The following CHRND variants were observed in gnomAD, a reference collection of about 807,000 sequenced individuals.
The protein encoded by CHRND is acetylcholine receptor subunit delta.
CHRND carries 40 observed loss-of-function variants against 57.8 expected under a neutral mutation model. The ratio of observed to expected loss-of-function variants is 0.69; its 90% CI spans 0.54 to 0.90. The LOEUF (loss-of-function observed/expected upper bound fraction) is 0.90, where lower values mean the gene tolerates loss of function less well. CHRND is among the 40% of genes least tolerant of loss of function. The pLI, the probability that CHRND is intolerant of heterozygous loss-of-function variation, is 0.00. For synonymous variants in CHRND, 237 were observed against 270.6 expected (o/e 0.88, Z 1.22); for missense variants, 634 against 673.9 (o/e 0.94, Z 0.66).
At chr2:232,533,170 G>A (rs564449025) in intron 9 of CHRND, among the ~76,000 whole-genome samples, 11 of 152,082 alleles carry the variant, frequency 7.2e-5, no homozygotes, top group Admixed American at 5.9e-4. Flanking sequence ...ACAGGCGCCC[G>A]CCACCATGCC....
chr2:232,529,300 T>C (rs1002873297), intron 6 of CHRND, among the ~76,000 whole-genome samples: 17 of 152,220 alleles, frequency 1.1e-4, no homozygotes, highest in African/African-American at 4.1e-4. Flanking sequence ...GTCTTTCCTG[T>C]GCCTGGTGAG....
chr2:232,529,783 A>G (rs1574631929), intron 6 of CHRND, among the ~76,000 whole-genome samples, 156 bp from the exon 7 acceptor site: 2 of 151,640 alleles, frequency 1.3e-5, no homozygotes, highest in Non-Finnish European at 2.9e-5. Context: ...TTCCATCCCG[A>G]CCCCCCAGGG....
Position 232,527,437 on chromosome 2 carries a change from A to G in CHRND, c.235A>G (p.Ile79Val), listed in dbSNP as rs765696072. ...GGAGACCCTCACTACCAATGTGTGG[A>G]TAGAGCACGTAAGAATGCCCCTCCC... ...VEETLTTNVW[I>V]EHGWTDNRLK... Residue 79 changes from isoleucine (I) to valine (V), a missense_variant, in exon 3 of 12, where the codon ATA becomes GTA. Ile to Val is a conservative substitution (Grantham distance 29). Transcript: ENST00000258385. 2 of 1,613,074 alleles carry G rather than the reference A, an allele frequency of 1.2e-6. No homozygotes were observed. The highest frequency in any genetic ancestry group is 4.5e-5 in the East Asian group (2 of 44,762).
In CHRND at chr2:232,536,069, A is replaced by G. The variant is rs1284531819; in HGVS notation, c.*757A>G. The G allele has an allele frequency of 4.4e-6, 2 of 454,130 alleles. No individual in the cohort carries two copies. The highest frequency in any genetic ancestry group is 2.3e-5 in the Admixed American group (1 of 42,578). The allele number at this position is 454,130 out of a possible 1,614,324, so 28.1% of individuals were successfully genotyped here. A position where few individuals can be genotyped will look rare whatever the true frequency, so the allele number is the denominator to read the frequency against. ...TAAAAAATCATTCGTTGTTTCTCTG[A>G]AATTTGTCCCCTATTTTTATTTGCT... On this transcript the variant is annotated 3_prime_UTR_variant, in exon 12 of 12. Coordinates refer to ENST00000258385, the MANE Select transcript of CHRND (RefSeq NM_000751.3).
chr2:232,529,032 C>T, intron 6 of CHRND, 61 bp downstream of exon 6: 2 of 1,168,980 alleles, frequency 1.7e-6, no homozygotes, highest in Non-Finnish European at 2.6e-6. Context: ...ACACACTGGC[C>T]CTGTCCACCC....
intron 7 of CHRND, 88 bp from the exon 8 acceptor site, chr2:232,531,264 G>A (rs548284269): frequency 2.3e-5 from 22 of 953,306 alleles, no homozygotes; most frequent in Admixed American, 2.1e-4. Flanking sequence ...GGGCCACAGC[G>A]GGACCCTCTA....
At chr2:232,535,004 A>G in intron 11 of CHRND, 126 bp from the exon 12 acceptor site, 4 of 1,103,860 alleles carry the variant, frequency 3.6e-6, no homozygotes, top group Non-Finnish European at 5.3e-6. Context: ...ATTATCCTGC[A>G]AGCCCGAGGC....
intron 3 of CHRND, 69 bp from the exon 4 acceptor site, chr2:232,528,193 G>C: frequency 4.2e-6 from 6 of 1,432,792 alleles, no homozygotes; most frequent in Non-Finnish European, 5.9e-6. Context: ...TCTTCTCTCA[G>C]GGAAGTGGGG....
chr2:232,527,213 C>T (rs1364474966), intron 2 of CHRND, among the ~76,000 whole-genome samples, 188 bp from the exon 3 acceptor site: 1 of 151,474 alleles, frequency 6.6e-6, no homozygotes, highest in Non-Finnish European at 1.5e-5. Flanking sequence ...GCAGGAGAAT[C>T]GCTTGAACCC....
Position 232,528,639 on chromosome 2 carries a change from C to A in CHRND, c.492C>A (p.Asn164Lys). The stretch of plus-strand genomic sequence containing the variant: ...CCTATTTCCCCTTCGACTGGCAGAA[C>A]TGCTCCCTCAAGTTCAGGTGTGCCC... ...SVTYFPFDWQ[N>K]CSLKFSSLKY... Residue 164 changes from asparagine to lysine, a missense_variant, in exon 5 of 12, where the codon AAC becomes AAA. Asn to Lys is a moderately conservative substitution (Grantham distance 94, BLOSUM62 0). Transcript: ENST00000258385. 2 of 1,614,106 alleles carry A rather than the reference C, an allele frequency of 1.2e-6. No homozygotes were observed. The highest frequency in any genetic ancestry group is 1.7e-6 in the Non-Finnish European group (2 of 1,180,040).
chr2:232,527,310 A>AAAAAAAG, intron 2 of CHRND, 91 bp from the exon 3 acceptor site: 1 of 913,012 alleles, frequency 1.1e-6, no homozygotes, highest in Non-Finnish European at 1.8e-6. Flanking sequence ...TGGAAAAAAA[A>AAAAAAAG]AGAGAGAGAG....
chr2:232,531,483 G>A lies in CHRND; in HGVS notation c.932+20G>A, dbSNP rs114022008. On this transcript the variant is annotated intron_variant, in intron 8 of 11. Transcript: ENST00000258385. ...CGGCAAGTGAGTGACGCTCAAGCCC[G>A]GCCTCACCCTGCTTGCCAGCCCAGC... The A allele has an allele frequency of 1.4e-3, 2,303 of 1,613,314 alleles. 25 individuals are homozygous for A. The African/African-American group carries it at 0.025, about 18-fold the overall frequency.
chr2:232,536,495 G>T lies in CHRND; in HGVS notation c.*1183G>T. ...TGCCAACAGCCACGTGAGTGAATGT[G>T]GAAGTGGATCCTCTGCCCCAGTAGG... is the stretch of plus-strand genomic sequence containing the variant. On this transcript the variant is annotated 3_prime_UTR_variant, in exon 12 of 12. Coordinates refer to ENST00000258385, the MANE Select transcript of CHRND (RefSeq NM_000751.3). 1 of 453,560 alleles carries T rather than the reference G, an allele frequency of 2.2e-6. No homozygotes were observed. 28.1% of individuals were successfully genotyped at this position (453,560 alleles called of 1,614,324 possible).
chr2:232,530,938 T>C (rs1691668126), intron 7 of CHRND, among the ~76,000 whole-genome samples: 1 of 152,120 alleles, frequency 6.6e-6, no homozygotes, highest in African/African-American at 2.4e-5. Flanking sequence ...GTTATCCTGG[T>C]TCTACAAGGA....
At chr2:232,529,795 A>C in intron 6 of CHRND, 144 bp from the exon 7 acceptor site, 2 of 727,802 alleles carry the variant, frequency 2.7e-6, no homozygotes, top group Non-Finnish European at 4.5e-6. Flanking sequence ...CCCCCAGGGA[A>C]CGACACCCAC....
chr2:232,531,690 T>C, intron 9 of CHRND, 34 bp downstream of exon 9: 1 of 1,564,158 alleles, frequency 6.4e-7, no homozygotes, highest in Non-Finnish European at 8.8e-7. Flanking sequence ...AGCTCACCAC[T>C]GTAATCCTGG....
intron 9 of CHRND, among the ~76,000 whole-genome samples, chr2:232,531,946 C>CAA (rs778006115): frequency 0.011 from 495 of 46,044 alleles, 42 homozygotes; most frequent in African/African-American, 0.025. Context: ...GACCTTGTCT[C>CAA]AAAAAAAAAA....
In CHRND at chr2:232,531,545, C is replaced by T. The variant is rs755073623; in HGVS notation, c.936C>T (p.Phe312=). Residue 312 remains phenylalanine (F), a synonymous_variant, in exon 9 of 12, where the codon TTC becomes TTT. Transcript: ENST00000258385. The part of the protein sequence containing the change: ...TSMAIPLIGK[F]LLFGMVLVTM... ...CAAGCTGAGTGTTTGCCCACAGGTTCCTGCTCTTCGGCATGGTGCTGGTCA... is the reference window on the plus strand; with the variant it reads ...CAAGCTGAGTGTTTGCCCACAGGTTTCTGCTCTTCGGCATGGTGCTGGTCA... 1.2e-5 allele frequency: 19 copies of T among 1,614,010 alleles called. No individual in the cohort carries two copies. Among genetic ancestry groups the T allele is most frequent in the Non-Finnish European group, 4.2e-6 (5 of 1,180,026 alleles).
In CHRND at chr2:232,529,940, G is replaced by T; in HGVS notation, c.621G>T (p.Glu207Asp). ...WIIIDPEGFT[E>D]NGEWEIVHRP... ...AAGATGTCCATGTGCCGCCCTCAGAGAACGGGGAGTGGGAGATAGTCCACC... is the reference window on the plus strand; with the variant it reads ...AAGATGTCCATGTGCCGCCCTCAGATAACGGGGAGTGGGAGATAGTCCACC... Residue 207 changes from glutamate (E) to aspartate (D), a missense_variant and splice_region_variant, in exon 7 of 12, where the codon GAG becomes GAT. Transcript: ENST00000258385. 6.2e-7 allele frequency: 1 copy of T among 1,613,974 alleles called. No homozygotes were observed. Among genetic ancestry groups the T allele is most frequent in the Non-Finnish European group, 8.5e-7 (1 of 1,179,958 alleles).
Sources: gnomAD v4.1 joint callset for allele counts (sites outside exome capture counted in the v4.1 genomes callset) on GRCh38, gnomAD v4.1.1 for gene constraint, MANE v1.5 for transcripts, NCBI Gene and HGNC (gene_info 2026-07-23, HGNC 2026-07-21) for gene names.